Variants in MMP20 observed in about 807,000 individuals in gnomAD.
MMP20 encodes matrix metallopeptidase 20.
MMP20 carries 50 observed loss-of-function variants against 51.8 expected under a neutral mutation model. The ratio of observed to expected loss-of-function variants is 0.97; its 90% CI spans 0.77 to 1.22. The LOEUF is 1.22. Among genes scored for constraint, MMP20 ranks in the 50% most tolerant of loss-of-function variants. MMP20 has a pLI of 0.00. For synonymous variants in MMP20, 244 were observed against 216.2 expected (o/e 1.13, Z -1.13); for missense variants, 663 against 601.4 (o/e 1.10, Z -1.07).
chr11:102,610,117 G>A, intron 3 of MMP20, 87 bp from the exon 4 acceptor site: 9 of 1,417,940 alleles, frequency 6.3e-6, no homozygotes, highest in Non-Finnish European at 8.8e-6. Flanking sequence ...GGGACATTTT[G>A]AGTAGCATTG....
intron 8 of MMP20, among the ~76,000 whole-genome samples, chr11:102,584,922 A>C (rs1859237681): frequency 6.6e-6 from 1 of 152,150 alleles, no homozygotes; most frequent in Non-Finnish European, 1.5e-5. Context: ...GTCAAAAATC[A>C]GTTGCCCATA....
chr11:102,580,387 G>C (rs1426440727), intron 8 of MMP20, among the ~76,000 whole-genome samples: 1 of 151,014 alleles, frequency 6.6e-6, no homozygotes, highest in East Asian at 2.0e-4. Context: ...ATTTCTCCCA[G>C]TGCCTGGGCT....
intron 8 of MMP20, among the ~76,000 whole-genome samples, chr11:102,590,854 C>T (rs1007382417): frequency 2.6e-5 from 4 of 152,108 alleles, no homozygotes; most frequent in Admixed American, 6.5e-5. Flanking sequence ...GACTAAAGCT[C>T]CCCTGGCCAC....
At chr11:102,581,340 G>C (rs544371094) in intron 8 of MMP20, among the ~76,000 whole-genome samples, 1 of 152,244 alleles carries the variant, frequency 6.6e-6, no homozygotes, top group Non-Finnish European at 1.5e-5. Flanking sequence ...AGTCACTAAG[G>C]AGTTTAATCT....
chr11:102,607,879 G>A (rs1047097767), intron 5 of MMP20: 1 of 152,122 alleles, frequency 6.6e-6, no homozygotes, highest in African/African-American at 2.4e-5. Context: ...CTCTGGAGCT[G>A]AGTTTGTGAC....
chr11:102,589,982 T>A (rs1320706941), intron 8 of MMP20, among the ~76,000 whole-genome samples: 1 of 152,022 alleles, frequency 6.6e-6, no homozygotes, highest in Non-Finnish European at 1.5e-5. Flanking sequence ...ATGCCCCGAG[T>A]CTGACTGTAC....
chr11:102,592,909 A>G (rs1039916211), intron 8 of MMP20, among the ~76,000 whole-genome samples: 3 of 152,234 alleles, frequency 2.0e-5, no homozygotes, highest in African/African-American at 7.2e-5. Context: ...GCCCCTGAGG[A>G]CAGGAATTGA....
At chr11:102,607,262 T>A (rs1859530034) in intron 5 of MMP20, 1 of 164,406 alleles carries the variant, frequency 6.1e-6, no homozygotes. Flanking sequence ...TGTTTGCTAT[T>A]TAAAGGTATC....
At chr11:102,616,486 T>C (rs1480595001) in intron 2 of MMP20, among the ~76,000 whole-genome samples, 1 of 152,232 alleles carries the variant, frequency 6.6e-6, no homozygotes, top group Non-Finnish European at 1.5e-5. Context: ...TTTTTCTTTC[T>C]CATTAAGCAG....
In MMP20 at chr11:102,577,206, C is replaced by T. The variant is rs1859135781; in HGVS notation, c.*120G>A. 1.6e-5 allele frequency: 11 copies of T among 708,036 alleles called. No individual in the cohort carries two copies. Among genetic ancestry groups the T allele is most frequent in the Non-Finnish European group, 2.6e-5 (10 of 392,060 alleles). 43.9% of individuals were successfully genotyped at this position (708,036 alleles called of 1,614,324 possible). The stretch of plus-strand genomic sequence containing the variant: ...GAAGTATTATTATTCTCAGTGAATT[C>T]TAATTTGATTTGAAGGCCTTTGGAA... On this transcript the variant is annotated 3_prime_UTR_variant, in exon 10 of 10. Coordinates refer to ENST00000260228, the MANE Select transcript of MMP20 (RefSeq NM_004771.4).
At position 102,579,151 on chromosome 11, in the gene MMP20, A is replaced by G. The variant is rs1483599516; in HGVS notation, c.1248-9T>C. ...TTTTCCTTTCGTCGTAGCTAGAAAA[A>G]GTATTATTTCATAAATAATATTACT... On this transcript the variant is annotated splice_polypyrimidine_tract_variant and intron_variant, in intron 8 of 9. Transcript: ENST00000260228. 1.9e-6 allele frequency: 3 copies of G among 1,582,566 alleles called. No homozygotes were observed. In the Admixed American group the frequency reaches 5.0e-5, roughly 26 times the overall value.
intron 6 of MMP20, among the ~76,000 whole-genome samples, chr11:102,599,795 G>A (rs1161394302): frequency 3.9e-5 from 6 of 152,144 alleles, no homozygotes; most frequent in African/African-American, 1.4e-4. Context: ...CAGAAGCCAA[G>A]AAATCAACCA....
chr11:102,615,591 T>G (rs936061148), intron 2 of MMP20, among the ~76,000 whole-genome samples: 18 of 152,184 alleles, frequency 1.2e-4, no homozygotes, highest in African/African-American at 3.9e-4. Flanking sequence ...TCCACCGCCC[T>G]GGGGATAAAG....
At chr11:102,606,727 C>T (rs575782930) in intron 5 of MMP20, 51 bp from the exon 6 acceptor site, 3 of 1,603,454 alleles carry the variant, frequency 1.9e-6, no homozygotes, top group African/African-American at 1.3e-5. Flanking sequence ...TTGGAGTTCA[C>T]ACACTTCTGC....
chr11:102,596,694 G>T (rs1232350084), intron 6 of MMP20, among the ~76,000 whole-genome samples: 1 of 152,154 alleles, frequency 6.6e-6, no homozygotes, highest in African/African-American at 2.4e-5. Flanking sequence ...GGTGGTGAGG[G>T]GCAGAGACGG....
Position 102,616,814 on chromosome 11 carries a change from G to A in MMP20, c.372C>T (p.Tyr124=), listed in dbSNP as rs143362660. 2.0e-5 allele frequency: 33 copies of A among 1,614,048 alleles called. No homozygotes were observed. In the African/African-American group the frequency reaches 3.6e-4, roughly 18 times the overall value. Residue 124 remains tyrosine (Y), a splice_region_variant and synonymous_variant, in exon 2 of 10, where the codon TAC becomes TAT. Coordinates refer to ENST00000260228, the MANE Select transcript of MMP20 (RefSeq NM_004771.4). ...TTGGAAAGACTTGATCTCATTACCT[G>A]TATGTCAAAGTATTTTTTTTCCATT... ...EPKWKKNTLT[Y]RISKYTPSMS... is the part of the protein sequence containing the mutation.
chr11:102,592,901 C>G (rs148101728), intron 8 of MMP20, among the ~76,000 whole-genome samples: 11 of 152,258 alleles, frequency 7.2e-5, no homozygotes, highest in Non-Finnish European at 1.6e-4. Context: ...CATACGAAGC[C>G]CCTGAGGACA....
rs551424795 is a variant in MMP20, at chr11:102,609,844, A to T, written c.649+61T>A. On this transcript the variant is annotated intron_variant, in intron 4 of 9. Transcript: ENST00000260228. Reference sequence around the variant, plus strand: ...TTGGGACGTTGAACCTCAAGGTTTCATGATGGAGCCCAGAAGAAGGTACAA... The same window carrying T: ...TTGGGACGTTGAACCTCAAGGTTTCTTGATGGAGCCCAGAAGAAGGTACAA... 7.0e-4 allele frequency: 1,130 copies of T among 1,611,768 alleles called. 2 individuals are homozygous for T. The highest frequency in any genetic ancestry group is 8.8e-4 in the Non-Finnish European group (1,032 of 1,178,368).
intron 1 of MMP20, among the ~76,000 whole-genome samples, chr11:102,621,723 T>A (rs1859753091): frequency 6.6e-6 from 1 of 152,260 alleles, no homozygotes; most frequent in South Asian, 2.1e-4. Context: ...ATAACTCATA[T>A]TCTGGAATAT....
Sources: allele counts gnomAD v4.1 joint callset (sites outside exome capture counted in the v4.1 genomes callset), GRCh38; gene constraint gnomAD v4.1.1; transcripts MANE v1.5; gene names NCBI Gene and HGNC (gene_info 2026-07-23, HGNC 2026-07-21).